The following ZBTB20 variants were observed in gnomAD, a reference collection of about 807,000 sequenced individuals.
ZBTB20 encodes zinc finger and BTB domain-containing protein 20.
Under a neutral mutation model 56.9 loss-of-function variants are expected in ZBTB20, and 9 were observed. The observed-to-expected ratio is 0.16, with a 90% confidence interval of 0.10 to 0.28. ZBTB20 has a LOEUF of 0.28. Among genes scored for constraint, ZBTB20 ranks in the 10% least tolerant of loss-of-function variants. The pLI is 1.00. For missense variants in ZBTB20, 655 were observed against 1,003.0 expected, an observed-to-expected ratio of 0.65 and a Z score of 4.69; for synonymous variants, 417 against 420.7, an observed-to-expected ratio of 0.99 and a Z score of 0.11.
At chr3:115,117,383 T>C (rs1403935964) in intron 1 of ZBTB20, among the ~76,000 whole-genome samples, 1 of 152,154 alleles carries the variant, frequency 6.6e-6, no homozygotes, top group Admixed American at 6.5e-5. Context: ...CTATACCACT[T>C]TGATTACTCC....
chr3:114,690,051 A>T (rs536825948), intron 6 of ZBTB20, among the ~76,000 whole-genome samples: 8 of 152,300 alleles, frequency 5.3e-5, no homozygotes, highest in Admixed American at 3.3e-4. Context: ...TATACCATCT[A>T]ATCTGACAAA....
At chr3:114,607,150 T>A (rs1577917137) in intron 6 of ZBTB20, among the ~76,000 whole-genome samples, 1 of 152,252 alleles carries the variant, frequency 6.6e-6, no homozygotes, top group East Asian at 1.9e-4. Flanking sequence ...CAACATTTAG[T>A]TGAAGTTTAT....
intron 6 of ZBTB20, among the ~76,000 whole-genome samples, chr3:114,554,073 G>A (rs1405661513): frequency 1.3e-5 from 2 of 152,088 alleles, no homozygotes; most frequent in African/African-American, 4.8e-5. Flanking sequence ...ATCTATCCTT[G>A]TCAGCCTCAC....
chr3:114,681,153 G>A (rs1034688899), intron 6 of ZBTB20, among the ~76,000 whole-genome samples: 4 of 138,086 alleles, frequency 2.9e-5, no homozygotes, highest in Admixed American at 1.6e-4. Context: ...ATAACTGAGC[G>A]TATAATTTTT....
chr3:114,819,862 C>A (rs964251348), intron 4 of ZBTB20, among the ~76,000 whole-genome samples: 2 of 151,544 alleles, frequency 1.3e-5, no homozygotes, highest in Non-Finnish European at 3.0e-5. Context: ...GAGTAAAGAC[C>A]ACAAGCAAAC....
At chr3:114,395,914 G>T (rs1218390870) in intron 7 of ZBTB20, among the ~76,000 whole-genome samples, 3 of 152,030 alleles carry the variant, frequency 2.0e-5, no homozygotes, top group African/African-American at 7.2e-5. Context: ...AATATAAGTT[G>T]CACATCCCAT....
intron 6 of ZBTB20, among the ~76,000 whole-genome samples, chr3:114,679,960 A>G (rs1171712795): frequency 6.6e-6 from 1 of 152,246 alleles, no homozygotes; most frequent in Non-Finnish European, 1.5e-5. Flanking sequence ...CAGCCATAAA[A>G]AAGGATGACA....
chr3:114,330,389 T>A lies in ZBTB20; in HGVS notation c.*8616A>T, dbSNP rs1336673192. On this transcript the variant is annotated 3_prime_UTR_variant, in exon 12 of 12. Transcript: ENST00000675478. ...TAAAATGAATATAATGTAATATATATTTCAATATAGAGTTGTTATATATAA... is the reference window on the plus strand; with the variant it reads ...TAAAATGAATATAATGTAATATATAATTCAATATAGAGTTGTTATATATAA... 2 of 152,126 alleles carry A rather than the reference T, an allele frequency of 1.3e-5. No individual in the cohort carries two copies. The highest frequency in any genetic ancestry group is 2.4e-5 in the African/African-American group (1 of 41,362). 9.4% of individuals were successfully genotyped at this position (152,126 alleles called of 1,614,324 possible).
At chr3:114,496,396 G>A (rs567596267) in intron 7 of ZBTB20, among the ~76,000 whole-genome samples, 3 of 152,304 alleles carry the variant, frequency 2.0e-5, no homozygotes, top group Non-Finnish European at 2.9e-5. Flanking sequence ...GCAGCCCACT[G>A]TGTTTTGACA....
At chr3:114,893,750 A>G (rs939523407) in intron 4 of ZBTB20, among the ~76,000 whole-genome samples, 1 of 152,022 alleles carries the variant, frequency 6.6e-6, no homozygotes, top group Non-Finnish European at 1.5e-5. Flanking sequence ...GGAGTGAGAG[A>G]AAAGGAGAGT....
chr3:115,132,654 T>C (rs564487580), intron 1 of ZBTB20, among the ~76,000 whole-genome samples: 1 of 152,300 alleles, frequency 6.6e-6, no homozygotes, highest in East Asian at 1.9e-4. Context: ...CCCAGCACTT[T>C]GGGTGGAGGC....
At chr3:114,884,291 AGT>A (rs1464558197) in intron 4 of ZBTB20, among the ~76,000 whole-genome samples, 2 of 152,326 alleles carry the variant, frequency 1.3e-5, no homozygotes, top group East Asian at 3.9e-4. Flanking sequence ...CCTACTAAAA[AGT>A]ATATTGATAG....
At chr3:114,611,216 TAGA>T (rs1459035718) in intron 6 of ZBTB20, among the ~76,000 whole-genome samples, 3 of 152,154 alleles carry the variant, frequency 2.0e-5, no homozygotes, top group African/African-American at 4.8e-5. Flanking sequence ...GGAGAACACA[TAGA>T]AGAAGAGTTC....
chr3:114,650,148 T>C (rs1486525657), intron 6 of ZBTB20, among the ~76,000 whole-genome samples: 1 of 151,932 alleles, frequency 6.6e-6, no homozygotes, highest in Non-Finnish European at 1.5e-5. Flanking sequence ...TATTGTCTGC[T>C]TTTTAAAAGA....
At chr3:115,011,868 G>A (rs918764362) in intron 2 of ZBTB20, among the ~76,000 whole-genome samples, 1 of 151,772 alleles carries the variant, frequency 6.6e-6, no homozygotes, top group Admixed American at 6.6e-5. Context: ...ACATAGTACA[G>A]TAAGATACAA....
intron 7 of ZBTB20, among the ~76,000 whole-genome samples, chr3:114,408,448 C>G (rs1177207864): frequency 6.6e-6 from 1 of 152,122 alleles, no homozygotes; most frequent in East Asian, 1.9e-4. Context: ...CTTTGCCGGA[C>G]CTTTCCATAA....
chr3:114,821,722 C>T (rs1335948833), intron 4 of ZBTB20, among the ~76,000 whole-genome samples: 1 of 152,000 alleles, frequency 6.6e-6, no homozygotes, highest in Admixed American at 6.6e-5. Context: ...ACATGACTGC[C>T]CTCTGGCCAA....
intron 5 of ZBTB20, among the ~76,000 whole-genome samples, chr3:114,722,039 C>T (rs1026971446): frequency 5.3e-5 from 8 of 152,100 alleles, no homozygotes; most frequent in African/African-American, 1.9e-4. Flanking sequence ...TGGAGTATAG[C>T]ACAGTTCTTC....
chr3:114,774,015 CA>C (rs1231633370), intron 5 of ZBTB20, among the ~76,000 whole-genome samples: 1 of 152,078 alleles, frequency 6.6e-6, no homozygotes, highest in African/African-American at 2.4e-5. Flanking sequence ...CAGTTATTTC[CA>C]ATGATTTTCG....
Sources: allele counts gnomAD v4.1 joint callset (sites outside exome capture counted in the v4.1 genomes callset), GRCh38; gene constraint gnomAD v4.1.1; transcripts MANE v1.5; gene names NCBI Gene and HGNC (gene_info 2026-07-23, HGNC 2026-07-21).